Variants in ANOS1 observed in about 807,000 individuals in gnomAD.
ANOS1 encodes anosmin 1.
In ANOS1, 6 loss-of-function variants were observed where a neutral mutation model predicts 59.0. That is an observed-to-expected ratio of 0.10 (90% CI 0.06 to 0.20). The LOEUF (loss-of-function observed/expected upper bound fraction) is 0.20, where lower values mean the gene tolerates loss of function less well. Ranked by LOEUF, ANOS1 falls within the 10% of genes least tolerant of loss-of-function variation. ANOS1 has a pLI of 1.00. For synonymous variants in ANOS1, 217 were observed against 223.4 expected, an observed-to-expected ratio of 0.97 and a Z score of 0.25; for missense variants, 433 against 542.3, an observed-to-expected ratio of 0.80 and a Z score of 2.00.
rs957546467 is a variant in ANOS1, at chrX:8,540,882, A to T, written c.1355-1124T>A. 3.7e-5 allele frequency among the ~76,000 whole-genome samples: 4 copies of T among 108,177 alleles called. No individual in the cohort carries two copies. In the Admixed American group the frequency reaches 4.0e-4, roughly 11 times the overall value. 93.9% of individuals were successfully genotyped at this position (108,177 alleles called of 115,157 possible). On this transcript the variant is annotated intron_variant, in intron 9 of 13. Transcript: ENST00000262648. The stretch of plus-strand genomic sequence containing the variant: ...CTAGAGGTTTTAATTTTTACATAGC[A>T]GACATCAAGAGTTTATTTTTTAAAA...
intron 3 of ANOS1, among the ~76,000 whole-genome samples, chrX:8,609,181 C>T (rs969431344): frequency 9.0e-6 from 1 of 111,422 alleles, no homozygotes; most frequent in African/African-American, 3.3e-5. Flanking sequence ...AATGGATGCC[C>T]CTTTATCAAC....
chrX:8,665,339 G>A (rs1932116559), intron 2 of ANOS1, among the ~76,000 whole-genome samples: 1 of 112,470 alleles, frequency 8.9e-6, no homozygotes, highest in South Asian at 3.7e-4. Flanking sequence ...AGAAGTGCCT[G>A]GCAGTGCCCA....
intron 4 of ANOS1, among the ~76,000 whole-genome samples, chrX:8,594,691 T>G (rs76075735): frequency 1.8e-5 from 1 of 54,415 alleles, no homozygotes; most frequent in Non-Finnish European, 3.3e-5. Context: ...TATATATATA[T>G]ATATATACAC....
chrX:8,725,713 TATATATATATACAG>T (rs1202912111), intron 1 of ANOS1, among the ~76,000 whole-genome samples: 2 of 49,942 alleles, frequency 4.0e-5, no homozygotes, highest in Non-Finnish European at 6.9e-5. Context: ...TATATACAGA[TATATATATATACAG>T]ATATATATAT....
intron 2 of ANOS1, among the ~76,000 whole-genome samples, chrX:8,656,028 C>A (rs1795860965): frequency 8.9e-6 from 1 of 111,989 alleles, no homozygotes; most frequent in African/African-American, 3.3e-5. Context: ...ACCATTATCA[C>A]ACACACGAGC....
chrX:8,696,639 T>C (rs1397155507), intron 2 of ANOS1, among the ~76,000 whole-genome samples: 3 of 112,934 alleles, frequency 2.7e-5, no homozygotes, highest in Non-Finnish European at 5.6e-5. Flanking sequence ...ATTTCTTTTA[T>C]AACTTCACAA....
chrX:8,581,181 CA>C (rs1227420069), intron 6 of ANOS1, among the ~76,000 whole-genome samples: 3 of 110,965 alleles, frequency 2.7e-5, no homozygotes, highest in South Asian at 7.8e-4. Flanking sequence ...GGGAGGGACC[CA>C]GGGGGAGGTA....
In ANOS1 at chrX:8,586,924, C is replaced by T. The variant is rs185649520; in HGVS notation, c.726+870G>A. Among the ~76,000 whole-genome samples, 884 of 103,534 alleles carry T rather than the reference C, an allele frequency of 8.5e-3. 17 individuals carry two copies. Among genetic ancestry groups the T allele is most frequent in the African/African-American group, 0.03 (837 of 27,915 alleles). The allele number at this position is 103,534 out of a possible 115,157, so 89.9% of individuals were successfully genotyped here. ...TAGAAGATATTCTTCTTCCAAACAC[C>T]TAAATATTGACATTTATTTTACATT... is the stretch of plus-strand genomic sequence containing the variant. On this transcript the variant is annotated intron_variant, in intron 5 of 13. Transcript: ENST00000262648.
chrX:8,623,030 T>TGATGGATTGATGGATG (rs1555897662), intron 3 of ANOS1, among the ~76,000 whole-genome samples: 1 of 102,389 alleles, frequency 9.8e-6, no homozygotes, highest in Non-Finnish European at 2.0e-5. Context: ...GATGGATGGA[T>TGATGGATTGATGGATG]GATGGATGGA....
At chrX:8,662,968 G>A (rs957419329) in intron 2 of ANOS1, among the ~76,000 whole-genome samples, 1 of 112,185 alleles carries the variant, frequency 8.9e-6, no homozygotes, top group African/African-American at 3.2e-5. Flanking sequence ...AGGTTGCGAT[G>A]AGCCAAGATC....
chrX:8,674,615 A>G (rs765315951), intron 2 of ANOS1, among the ~76,000 whole-genome samples: 4 of 112,425 alleles, frequency 3.6e-5, no homozygotes, highest in Non-Finnish European at 5.6e-5. Flanking sequence ...ATTGCAAAAA[A>G]ACTCACAATG....
chrX:8,697,883 T>C (rs1932706989), intron 2 of ANOS1, among the ~76,000 whole-genome samples: 1 of 111,772 alleles, frequency 8.9e-6, no homozygotes, highest in African/African-American at 3.3e-5. Flanking sequence ...GTAAAACTGA[T>C]GACTATGTGA....
chrX:8,691,414 AAGAAAT>A (rs1243881922), intron 2 of ANOS1, among the ~76,000 whole-genome samples: 2 of 112,000 alleles, frequency 1.8e-5, no homozygotes, highest in Non-Finnish European at 3.8e-5. Flanking sequence ...TATTTAACTC[AAGAAAT>A]AGTCATATGT....
intron 8 of ANOS1, among the ~76,000 whole-genome samples, chrX:8,559,464 A>G (rs943454428): frequency 8.9e-6 from 1 of 112,002 alleles, no homozygotes; most frequent in African/African-American, 3.2e-5. Flanking sequence ...AGATAGAGAT[A>G]TGCTACTATA....
At chrX:8,613,810 G>A (rs1305002621) in intron 3 of ANOS1, among the ~76,000 whole-genome samples, 2 of 111,430 alleles carry the variant, frequency 1.8e-5, no homozygotes, top group Non-Finnish European at 3.8e-5. Flanking sequence ...GCATAAACAT[G>A]GCTATCCCTA....
chrX:8,664,374 T>C (rs1932096371), intron 2 of ANOS1, among the ~76,000 whole-genome samples: 2 of 110,442 alleles, frequency 1.8e-5, no homozygotes, highest in Non-Finnish European at 3.8e-5. Context: ...TGTATTTTTT[T>C]AGTAGAGACG....
chrX:8,654,227 T>A (rs1931894458), intron 2 of ANOS1, among the ~76,000 whole-genome samples: 1 of 112,063 alleles, frequency 8.9e-6, no homozygotes, highest in Non-Finnish European at 1.9e-5. Flanking sequence ...CAGATGATTC[T>A]GGCACAATAC....
chrX:8,699,120 A>G (rs1321088247), intron 2 of ANOS1, among the ~76,000 whole-genome samples: 1 of 111,652 alleles, frequency 9.0e-6, no homozygotes, highest in African/African-American at 3.3e-5. Context: ...ATATATATTT[A>G]AAAAACAAAG....
At chrX:8,661,138 T>C (rs148610337) in intron 2 of ANOS1, among the ~76,000 whole-genome samples, 3,218 of 111,557 alleles carry the variant, frequency 0.029, 42 homozygotes, top group African/African-American at 0.046. Flanking sequence ...CTTCTCCCTG[T>C]GTCCTCATGT....
Sources: allele counts gnomAD v4.1 joint callset (sites outside exome capture counted in the v4.1 genomes callset), GRCh38; gene constraint gnomAD v4.1.1; transcripts MANE v1.5; gene names NCBI Gene and HGNC (gene_info 2026-07-23, HGNC 2026-07-21).